The following SLC35F1 variants were observed in gnomAD, a reference collection of about 807,000 sequenced individuals.
The protein encoded by SLC35F1 is chromosome 6 open reading frame 169.
In SLC35F1, 14 loss-of-function variants were observed where a neutral mutation model predicts 48.7. That is an observed-to-expected ratio of 0.29 (90% CI 0.19 to 0.45). The LOEUF is 0.45. Ranked by LOEUF, SLC35F1 falls within the 20% of genes least tolerant of loss-of-function variation. The pLI, the probability that SLC35F1 is intolerant of heterozygous loss-of-function variation, is 1.00. For synonymous variants in SLC35F1, 190 were observed against 202.2 expected (o/e 0.94, Z 0.51); for missense variants, 404 against 500.0 (o/e 0.81, Z 1.83).
intron 1 of SLC35F1, among the ~76,000 whole-genome samples, chr6:117,997,428 A>G (rs1345810705): frequency 3.3e-5 from 5 of 152,012 alleles, no homozygotes; most frequent in African/African-American, 1.2e-4. Context: ...AGAGAACGCC[A>G]CAAAGATACT....
chr6:118,026,280 C>T (rs1771942082), intron 1 of SLC35F1, among the ~76,000 whole-genome samples: 1 of 152,120 alleles, frequency 6.6e-6, no homozygotes, highest in African/African-American at 2.4e-5. Flanking sequence ...GTGCGCAGAA[C>T]ACAGTGAGGA....
chr6:118,074,198 A>G lies in SLC35F1; in HGVS notation c.174-80247A>G, dbSNP rs940942398. ...ATCCCTTCTAGTCCCTGAAATGTGC[A>G]AAGCAGTGAGGCAATGATGTTTCTT... On this transcript the variant is annotated intron_variant, in intron 1 of 7. Transcript: ENST00000360388. 2.0e-5 allele frequency among the ~76,000 whole-genome samples: 3 copies of G among 152,344 alleles called. 1 individual carries two copies. The highest frequency in any genetic ancestry group is 2.0e-4 in the Admixed American group (3 of 15,292).
intron 1 of SLC35F1, among the ~76,000 whole-genome samples, chr6:117,989,306 A>G (rs1776887682): frequency 6.6e-6 from 1 of 152,222 alleles, no homozygotes; most frequent in Admixed American, 6.5e-5. Context: ...CTAATGGGAA[A>G]CCATCTCTGT....
intron 1 of SLC35F1, among the ~76,000 whole-genome samples, chr6:118,115,916 TGAAAA>T (rs1346752791): frequency 2.0e-5 from 3 of 152,208 alleles, no homozygotes; most frequent in Non-Finnish European, 4.4e-5. Context: ...ATAGTTTGCC[TGAAAA>T]GAAAACATAA....
intron 1 of SLC35F1, among the ~76,000 whole-genome samples, chr6:118,118,365 A>T (rs1190748847): frequency 6.6e-6 from 1 of 152,212 alleles, no homozygotes; most frequent in Non-Finnish European, 1.5e-5. Context: ...TCTATTTATC[A>T]TAGAGTGATA....
intron 2 of SLC35F1, among the ~76,000 whole-genome samples, chr6:118,219,524 G>A (rs868434997): frequency 1.3e-5 from 2 of 152,102 alleles, no homozygotes; most frequent in African/African-American, 2.4e-5. Flanking sequence ...AGGTGCTAGC[G>A]AGGATGTGGA....
intron 1 of SLC35F1, among the ~76,000 whole-genome samples, chr6:118,076,857 T>G (rs1230763173): frequency 6.6e-6 from 1 of 152,182 alleles, no homozygotes; most frequent in South Asian, 2.1e-4. Flanking sequence ...AACACTGTAA[T>G]TATTGTAGGC....
chr6:118,186,894 C>T (rs1370792034), intron 2 of SLC35F1, among the ~76,000 whole-genome samples: 1 of 152,178 alleles, frequency 6.6e-6, no homozygotes, highest in African/African-American at 2.4e-5. Context: ...GCCAGCTTCC[C>T]AGGGTTTTGG....
At chr6:118,075,910 C>G (rs1477603567) in intron 1 of SLC35F1, among the ~76,000 whole-genome samples, 3 of 152,122 alleles carry the variant, frequency 2.0e-5, no homozygotes, top group Non-Finnish European at 2.9e-5. Flanking sequence ...GCTTTTCTTC[C>G]AAAATGCAAA....
chr6:118,074,952 T>C (rs757316598), intron 1 of SLC35F1, among the ~76,000 whole-genome samples: 5 of 152,208 alleles, frequency 3.3e-5, no homozygotes, highest in African/African-American at 4.8e-5. Flanking sequence ...TCGAGACACA[T>C]AGATTTAAAA....
At chr6:118,041,961 C>T (rs1772228497) in intron 1 of SLC35F1, among the ~76,000 whole-genome samples, 1 of 151,708 alleles carries the variant, frequency 6.6e-6, no homozygotes, top group Admixed American at 6.6e-5. Flanking sequence ...AAAAAAGCAT[C>T]ATCTGTACTT....
rs892888903 is a variant in SLC35F1 at position 117,998,911 on chromosome 6, G to C, written c.173+91012G>C. 3.4e-5 allele frequency: 25 copies of C among 741,502 alleles called. No homozygotes were observed. In the Admixed American group the frequency reaches 4.6e-4, roughly 14 times the overall value. 45.9% of individuals were successfully genotyped at this position (741,502 alleles called of 1,614,324 possible). A position where few individuals can be genotyped will look rare whatever the true frequency, so the allele number is the denominator to read the frequency against. On this transcript the variant is annotated intron_variant, in intron 1 of 7. Transcript: ENST00000360388. The stretch of plus-strand genomic sequence containing the variant: ...ACATTCAAAAGCTAGCAGAAGGCAA[G>C]AAATACCTAAAATCAGCTCTTCCGG...
chr6:118,168,278 T>C (rs1438766179), intron 2 of SLC35F1, among the ~76,000 whole-genome samples: 2 of 152,086 alleles, frequency 1.3e-5, no homozygotes, highest in Non-Finnish European at 2.9e-5. Flanking sequence ...TTGATAAATA[T>C]AATATTCCCC....
chr6:118,308,390 A>G (rs1582781930), intron 7 of SLC35F1, among the ~76,000 whole-genome samples: 2 of 152,326 alleles, frequency 1.3e-5, no homozygotes, highest in South Asian at 4.1e-4. Flanking sequence ...CATTTTTCCC[A>G]GGAATAATGT....
At chr6:118,254,004 G>C (rs1223197347) in intron 3 of SLC35F1, among the ~76,000 whole-genome samples, 2 of 151,778 alleles carry the variant, frequency 1.3e-5, no homozygotes, top group African/African-American at 2.4e-5. Flanking sequence ...GGAGGGAAGT[G>C]GGATAGCTGC....
chr6:118,009,706 G>A (rs1777220484), intron 1 of SLC35F1, among the ~76,000 whole-genome samples: 1 of 152,114 alleles, frequency 6.6e-6, no homozygotes, highest in African/African-American at 2.4e-5. Flanking sequence ...CCATTTTCTA[G>A]TGTGCTTGTA....
chr6:118,256,977 A>G (rs1213927277), intron 3 of SLC35F1, among the ~76,000 whole-genome samples: 1 of 152,190 alleles, frequency 6.6e-6, no homozygotes, highest in Admixed American at 6.5e-5. Context: ...AGAAATTTTT[A>G]TGCCTAATAC....
intron 1 of SLC35F1, among the ~76,000 whole-genome samples, chr6:117,994,421 CAT>C (rs1776959303): frequency 6.6e-6 from 1 of 152,128 alleles, no homozygotes; most frequent in Admixed American, 6.5e-5. Context: ...TGCCATATAA[CAT>C]AACATATTCC....
chr6:117,912,294 T>C (rs1775773793), intron 1 of SLC35F1, among the ~76,000 whole-genome samples: 1 of 152,208 alleles, frequency 6.6e-6, no homozygotes, highest in Non-Finnish European at 1.5e-5. Flanking sequence ...CCAAAGATCG[T>C]TAAGGATATA....
Sources: allele counts gnomAD v4.1 joint callset (sites outside exome capture counted in the v4.1 genomes callset), GRCh38; gene constraint gnomAD v4.1.1; transcripts MANE v1.5; gene names NCBI Gene and HGNC (gene_info 2026-07-23, HGNC 2026-07-21).